The following RFX2 variants were observed in gnomAD, a reference collection of about 807,000 sequenced individuals.
RFX2 encodes DNA-binding protein RFX2.
RFX2 carries 20 observed loss-of-function variants against 87.8 expected under a neutral mutation model. The observed-to-expected ratio is 0.23, with a 90% CI of 0.16 to 0.33. The LOEUF is 0.33. RFX2 is among the 10% of genes least tolerant of loss of function. RFX2 has a pLI of 1.00. For synonymous variants in RFX2, 397 were observed against 431.3 expected, an observed-to-expected ratio of 0.92 and a Z score of 0.98; for missense variants, 767 against 1,012.3, an observed-to-expected ratio of 0.76 and a Z score of 3.29.
In RFX2 at chr19:6,002,061, C is replaced by G. The variant is rs770678751; in HGVS notation, c.1651-38G>C. Reference sequence around the variant, plus strand: ...CAGAGGCCAGTGTCAGCAATGTGGACCCCCAGCCACGGCAGCCCTCCCTGG... The same window carrying G: ...CAGAGGCCAGTGTCAGCAATGTGGAGCCCCAGCCACGGCAGCCCTCCCTGG... On this transcript the variant is annotated intron_variant, in intron 14 of 17. Coordinates refer to ENST00000303657, the MANE Select transcript of RFX2 (RefSeq NM_000635.4). The surrounding 1 kb of genome is among the most constrained non-coding windows in gnomAD (Gnocchi z 6.7). 1 of 1,535,346 alleles carries G rather than the reference C, an allele frequency of 6.5e-7. No homozygotes were observed. The highest frequency in any genetic ancestry group is 1.4e-5 in the African/African-American group (1 of 73,490).
In RFX2 at chr19:6,004,372, A is replaced by T; in HGVS notation, c.1403-74T>A. On this transcript the variant is annotated intron_variant, in intron 12 of 17. Coordinates refer to ENST00000303657, the MANE Select transcript of RFX2 (RefSeq NM_000635.4). This position sits in a 1 kb window ranked among gnomAD's most constrained non-coding sequence, Gnocchi z 4.8. ...ACCCTGGAAATCAGCATTCAGTGTA[A>T]GAGCTGGCCCAAGTGCGATGAAAAT... The T allele has an allele frequency of 8.0e-7, 1 of 1,256,380 alleles. No homozygotes were observed. 77.8% of individuals were successfully genotyped at this position (1,256,380 alleles called of 1,614,324 possible).
In RFX2 at chr19:6,071,168, T is replaced by C. The variant is rs538178411; in HGVS notation, c.-8-23664A>G. On this transcript the variant is annotated intron_variant, in intron 1 of 17. Transcript: ENST00000303657. ...AAACATGCATCCTTAAATAAGAAAG[T>C]GTTAGAGTCACATATTAAAAATGCA... Among the ~76,000 whole-genome samples, 8 of 152,376 alleles carry C rather than the reference T, an allele frequency of 5.3e-5. No homozygotes were observed. In the East Asian group the frequency reaches 1.5e-3, roughly 29 times the overall value.
rs151114906 is a variant in RFX2, at chr19:6,033,466, T to C, written c.522+6514A>G. 9.2e-5 allele frequency among the ~76,000 whole-genome samples: 14 copies of C among 152,280 alleles called. No homozygotes were observed. In the East Asian group the frequency reaches 2.3e-3, roughly 25 times the overall value. Reference sequence around the variant, plus strand: ...AAGGATGACTTGTCTGGTAAATCAATTGAAATGCTTCAGAATAAGTGAAAA... The same window carrying C: ...AAGGATGACTTGTCTGGTAAATCAACTGAAATGCTTCAGAATAAGTGAAAA... On this transcript the variant is annotated intron_variant, in intron 5 of 17. Coordinates refer to ENST00000303657, the MANE Select transcript of RFX2 (RefSeq NM_000635.4).
At position 5,994,959 on chromosome 19, in the gene RFX2, G is replaced by A. The variant is rs1166130147; in HGVS notation, c.2057-9C>T. On this transcript the variant is annotated splice_polypyrimidine_tract_variant and intron_variant, in intron 17 of 17. Coordinates refer to ENST00000303657, the MANE Select transcript of RFX2 (RefSeq NM_000635.4). ...CTCATCGCCCATGTCATCTGCGGAGGGAGGGGTAGGGTCAGTGTCCATCAT... is the reference window on the plus strand; with the variant it reads ...CTCATCGCCCATGTCATCTGCGGAGAGAGGGGTAGGGTCAGTGTCCATCAT... 1.9e-6 allele frequency: 3 copies of A among 1,595,790 alleles called. No individual in the cohort carries two copies. The highest frequency in any genetic ancestry group is 1.3e-5 in the African/African-American group (1 of 74,728).
intron 1 of RFX2, among the ~76,000 whole-genome samples, chr19:6,086,562 G>A (rs529254174): frequency 3.9e-5 from 6 of 152,224 alleles, no homozygotes; most frequent in Non-Finnish European, 8.8e-5. Flanking sequence ...TGACGGAAAT[G>A]TTATGCATGG....
intron 1 of RFX2, among the ~76,000 whole-genome samples, chr19:6,104,149 T>C (rs2088172281): frequency 6.6e-6 from 1 of 152,132 alleles, no homozygotes; most frequent in South Asian, 2.1e-4. Flanking sequence ...CACCCAGCAC[T>C]ATGACCTGCA....
Position 6,021,644 on chromosome 19 carries a change from G to A in RFX2, c.597+4519C>T, listed in dbSNP as rs572756606. On this transcript the variant is annotated intron_variant, in intron 6 of 17. Transcript: ENST00000303657. The surrounding 1 kb of genome is among the most constrained non-coding windows in gnomAD (Gnocchi z 5.7). The stretch of plus-strand genomic sequence containing the variant: ...AGTGCAAAGGCCCTGGGGCAGGTCC[G>A]AGCCTGGTGCATTGGAGGAATAGCG... Among the ~76,000 whole-genome samples, 3 of 152,338 alleles carry A rather than the reference G, an allele frequency of 2.0e-5. No individual in the cohort carries two copies. The highest frequency in any genetic ancestry group is 2.1e-4 in the South Asian group (1 of 4,822).
intron 1 of RFX2, among the ~76,000 whole-genome samples, chr19:6,053,029 T>C (rs78944643): frequency 0.015 from 2,348 of 152,086 alleles, 49 homozygotes; most frequent in African/African-American, 0.053. Context: ...AAAAGCTATA[T>C]AGAAAGACAA....
intron 15 of RFX2, among the ~76,000 whole-genome samples, chr19:6,000,689 A>G (rs1404509512): frequency 2.0e-5 from 3 of 152,230 alleles, no homozygotes; most frequent in Non-Finnish European, 4.4e-5. Flanking sequence ...GCCTTCCGCC[A>G]TGCTTGTGAG....
chr19:6,018,222 G>A (rs577134248), intron 6 of RFX2, among the ~76,000 whole-genome samples: 1 of 152,278 alleles, frequency 6.6e-6, no homozygotes, highest in South Asian at 2.1e-4. Flanking sequence ...CACCCGCCTT[G>A]GCCTCCCAAA....
intron 1 of RFX2, among the ~76,000 whole-genome samples, chr19:6,052,328 G>A (rs2087276880): frequency 6.6e-6 from 1 of 152,164 alleles, no homozygotes; most frequent in Admixed American, 6.5e-5. Context: ...CAATTTATCA[G>A]TATGACATAT....
intron 1 of RFX2, chr19:6,109,532 TG>T (rs1244239721): frequency 6.6e-6 from 1 of 151,974 alleles, no homozygotes; most frequent in Admixed American, 6.6e-5. Context: ...TCAGTATGTC[TG>T]GGAGTCCATT....
intron 1 of RFX2, among the ~76,000 whole-genome samples, chr19:6,048,516 GT>G (rs2087226683): frequency 1.3e-5 from 2 of 152,162 alleles, no homozygotes; most frequent in African/African-American, 2.4e-5. Flanking sequence ...AGGCACACCA[GT>G]CCCCCGTCCT....
rs1360125651 is a variant in RFX2 at position 6,004,614 on chromosome 19, G to A, written c.1403-316C>T. Among the ~76,000 whole-genome samples the A allele has an allele frequency of 6.6e-6, 1 of 151,620 alleles. No homozygotes were observed. The highest frequency in any genetic ancestry group is 2.4e-5 in the African/African-American group (1 of 41,246). On this transcript the variant is annotated intron_variant, in intron 12 of 17. Coordinates refer to ENST00000303657, the MANE Select transcript of RFX2 (RefSeq NM_000635.4). The surrounding 1 kb of genome is among the most constrained non-coding windows in gnomAD (Gnocchi z 4.8). ...CAGGCATGGAGTGGGTGGAGGCTAG[G>A]GATGCTCCTCAGCACCCCACAGTGC...
intron 1 of RFX2, chr19:6,073,297 C>A: frequency 9.3e-7 from 1 of 1,074,908 alleles, no homozygotes; most frequent in Non-Finnish European, 1.4e-6. Context: ...ATCTTGATGC[C>A]CAACACTGGT....
At chr19:6,062,938 T>C (rs2087458347) in intron 1 of RFX2, among the ~76,000 whole-genome samples, 1 of 152,120 alleles carries the variant, frequency 6.6e-6, no homozygotes. Flanking sequence ...GTCGCGCATA[T>C]TCAATATCTG....
Position 6,040,113 on chromosome 19 carries a change from T to C in RFX2, c.389A>G (p.His130Arg). ...ATCCATGGTGATGCCCACCATGCTG[T>C]GGGAGGGGACCGCTGGCGGGGACGA... ...AASSPPAVPS[H>R]SMVGITMDVG... The change falls in exon 5 of 18, where the codon CAC becomes CGC. Residue 130 changes from histidine to arginine, a missense_variant. Physicochemically the swap from His to Arg is conservative, Grantham distance 29 (BLOSUM62 0). Coordinates refer to ENST00000303657, the MANE Select transcript of RFX2 (RefSeq NM_000635.4). This position sits in a 1 kb window ranked among gnomAD's most constrained non-coding sequence, Gnocchi z 6.1. 1.2e-6 allele frequency: 2 copies of C among 1,610,948 alleles called. No individual in the cohort carries two copies. The highest frequency in any genetic ancestry group is 1.7e-6 in the Non-Finnish European group (2 of 1,178,798).
In RFX2 at chr19:6,016,393, T is replaced by C; in HGVS notation, c.598-122A>G. The C allele has an allele frequency of 1.6e-6, 1 of 627,378 alleles. No homozygotes were observed. The highest frequency in any genetic ancestry group is 3.1e-5 in the East Asian group (1 of 32,094). 38.9% of individuals were successfully genotyped at this position (627,378 alleles called of 1,614,324 possible). On this transcript the variant is annotated intron_variant, in intron 6 of 17. Transcript: ENST00000303657. The surrounding 1 kb of genome is among the most constrained non-coding windows in gnomAD (Gnocchi z 5.4). The stretch of plus-strand genomic sequence containing the variant: ...TTACCAAATGGGATGAGGAAATCCA[T>C]CTTTTCTTTCTTTTTGAGGCGGAGT...
chr19:6,072,335 C>G (rs935994857), intron 1 of RFX2, among the ~76,000 whole-genome samples: 2 of 152,192 alleles, frequency 1.3e-5, no homozygotes, highest in Non-Finnish European at 2.9e-5. Flanking sequence ...GCCCAAGTAT[C>G]CACCTGGGTG....
Sources: allele counts gnomAD v4.1 joint callset (sites outside exome capture counted in the v4.1 genomes callset), GRCh38; gene constraint gnomAD v4.1.1; non-coding constraint Gnocchi (gnomAD v3.1); transcripts MANE v1.5; gene names NCBI Gene and HGNC (gene_info 2026-07-23, HGNC 2026-07-21).